TCERG1L: variants seen among roughly 807,000 people sequenced by gnomAD.
The protein encoded by TCERG1L is transcription elongation regulator 1 like.
In TCERG1L, 37 loss-of-function variants were observed where a neutral mutation model predicts 56.3. The observed-to-expected ratio is 0.66, with a 90% CI of 0.51 to 0.87. TCERG1L has a LOEUF of 0.87. Ranked by LOEUF, TCERG1L falls within the 40% of genes least tolerant of loss-of-function variation. TCERG1L has a pLI of 0.00. For synonymous variants in TCERG1L, 324 were observed against 326.3 expected (o/e 0.99, Z 0.08); for missense variants, 799 against 774.2 (o/e 1.03, Z -0.38).
intron 6 of TCERG1L, among the ~76,000 whole-genome samples, chr10:131,153,088 T>C (rs1450520318): frequency 6.6e-6 from 1 of 151,824 alleles, no homozygotes; most frequent in Non-Finnish European, 1.5e-5. Flanking sequence ...CATTAAGGGG[T>C]CCTGGGCAGG....
chr10:131,156,873 C>T (rs947998905), intron 6 of TCERG1L, among the ~76,000 whole-genome samples: 1 of 152,160 alleles, frequency 6.6e-6, no homozygotes, highest in Non-Finnish European at 1.5e-5. Flanking sequence ...TTGAGACAGG[C>T]GTCTTGCCGA....
chr10:131,256,004 T>G (rs1846161551), intron 4 of TCERG1L, among the ~76,000 whole-genome samples: 1 of 152,204 alleles, frequency 6.6e-6, no homozygotes, highest in Admixed American at 6.5e-5. Flanking sequence ...GGTAACTCAA[T>G]CCTCCATTAG....
intron 4 of TCERG1L, among the ~76,000 whole-genome samples, chr10:131,186,151 A>G (rs1412532662): frequency 1.3e-5 from 2 of 152,238 alleles, no homozygotes; most frequent in Non-Finnish European, 2.9e-5. Context: ...AATGTGCAGA[A>G]TAGGTAAATG....
At chr10:131,125,354 T>C (rs1240622391) in intron 8 of TCERG1L, among the ~76,000 whole-genome samples, 1 of 152,198 alleles carries the variant, frequency 6.6e-6, no homozygotes, top group Non-Finnish European at 1.5e-5. Context: ...GTTTTACAGA[T>C]GGGAAGAAAC....
intron 11 of TCERG1L, among the ~76,000 whole-genome samples, chr10:131,097,548 C>T (rs941484297): frequency 4.5e-4 from 68 of 152,236 alleles, no homozygotes; most frequent in East Asian, 5.8e-4. Context: ...AGGGTTTCAC[C>T]GTGTTAGCCA....
intron 4 of TCERG1L, among the ~76,000 whole-genome samples, chr10:131,214,504 A>C (rs373582831): frequency 2.0e-4 from 30 of 152,358 alleles, no homozygotes; most frequent in African/African-American, 7.2e-4. Flanking sequence ...AGAAAAGGCT[A>C]GTCATCATCA....
At chr10:131,126,152 T>C (rs1343828203) in intron 8 of TCERG1L, among the ~76,000 whole-genome samples, 1 of 152,188 alleles carries the variant, frequency 6.6e-6, no homozygotes, top group Non-Finnish European at 1.5e-5. Context: ...CACAAACCAA[T>C]TCCTGGCTCT....
At chr10:131,212,895 T>C (rs1021555968) in intron 4 of TCERG1L, among the ~76,000 whole-genome samples, 23 of 152,250 alleles carry the variant, frequency 1.5e-4, no homozygotes, top group African/African-American at 5.3e-4. Context: ...AGGCATTACA[T>C]GGGGCTAGCA....
At chr10:131,094,045 C>A (rs1053314803) in intron 11 of TCERG1L, among the ~76,000 whole-genome samples, 5 of 152,232 alleles carry the variant, frequency 3.3e-5, no homozygotes, top group African/African-American at 1.2e-4. Context: ...ATGCGAGCGA[C>A]CCAGCCTAGA....
intron 4 of TCERG1L, among the ~76,000 whole-genome samples, chr10:131,220,852 A>G (rs1431477179): frequency 6.6e-6 from 1 of 152,166 alleles, no homozygotes; most frequent in African/African-American, 2.4e-5. Flanking sequence ...GGGTTTGCCA[A>G]CCACTGTGCC....
intron 11 of TCERG1L, among the ~76,000 whole-genome samples, chr10:131,097,911 T>C (rs982989393): frequency 1.3e-5 from 2 of 152,208 alleles, no homozygotes; most frequent in African/African-American, 4.8e-5. Flanking sequence ...TATGGTGCTG[T>C]TGTTTGTAGT....
At chr10:131,195,272 G>A (rs1845346527) in intron 4 of TCERG1L, among the ~76,000 whole-genome samples, 1 of 152,278 alleles carries the variant, frequency 6.6e-6, no homozygotes, top group East Asian at 1.9e-4. Context: ...ATACCTGGCC[G>A]GTGGGTGTGG....
At chr10:131,221,723 A>G (rs1345796487) in intron 4 of TCERG1L, among the ~76,000 whole-genome samples, 2 of 152,198 alleles carry the variant, frequency 1.3e-5, no homozygotes, top group Non-Finnish European at 2.9e-5. Flanking sequence ...TGACTTAGCC[A>G]CGTGACAGAC....
chr10:131,236,387 GACC>G (rs1274259295), intron 4 of TCERG1L, among the ~76,000 whole-genome samples: 2 of 152,254 alleles, frequency 1.3e-5, no homozygotes, highest in East Asian at 3.9e-4. Flanking sequence ...ACAGGCAATG[GACC>G]ACATGACACA....
intron 1 of TCERG1L, 24 bp from the exon 2 acceptor site, chr10:131,309,323 A>G: frequency 6.3e-7 from 1 of 1,592,282 alleles, no homozygotes; most frequent in South Asian, 1.1e-5. Flanking sequence ...AAGAAAAGAC[A>G]GCTGCATTAG....
intron 4 of TCERG1L, among the ~76,000 whole-genome samples, chr10:131,244,193 C>A (rs1039114470): frequency 1.3e-5 from 2 of 152,088 alleles, no homozygotes; most frequent in Admixed American, 1.3e-4. Context: ...GGCCCGGGGT[C>A]CTGGGGCAGG....
chr10:131,174,489 C>T (rs1164394434), intron 4 of TCERG1L, among the ~76,000 whole-genome samples: 1 of 152,086 alleles, frequency 6.6e-6, no homozygotes, highest in Non-Finnish European at 1.5e-5. Flanking sequence ...CGGGGCTGGG[C>T]TGCAGGCAGG....
intron 8 of TCERG1L, among the ~76,000 whole-genome samples, chr10:131,119,678 A>G (rs1564795483): frequency 6.6e-6 from 1 of 152,226 alleles, no homozygotes; most frequent in Non-Finnish European, 1.5e-5. Flanking sequence ...AATGCAAACT[A>G]GCTAAATATA....
intron 11 of TCERG1L, among the ~76,000 whole-genome samples, chr10:131,096,554 T>C (rs1486832478): frequency 6.6e-6 from 1 of 151,746 alleles, no homozygotes; most frequent in Non-Finnish European, 1.5e-5. Context: ...AAATCACAGG[T>C]CAAACAAAGG....
Sources: allele counts gnomAD v4.1 joint callset (sites outside exome capture counted in the v4.1 genomes callset), GRCh38; gene constraint gnomAD v4.1.1; transcripts MANE v1.5; gene names NCBI Gene and HGNC (gene_info 2026-07-23, HGNC 2026-07-21).